Variants in KCNH7 observed in about 807,000 individuals in gnomAD.
KCNH7 encodes potassium voltage-gated channel subfamily H member 7, also known as voltage-gated inwardly rectifying potassium channel KCNH7.
Under a neutral mutation model 120.8 loss-of-function variants are expected in KCNH7, and 49 were observed. That is an observed-to-expected ratio of 0.41 (90% CI 0.32 to 0.51). KCNH7 has a LOEUF of 0.51. KCNH7 is among the 20% of genes least tolerant of loss of function. The pLI is 0.38. For missense variants in KCNH7, 1,097 were observed against 1,446.6 expected (o/e 0.76, Z 3.92); for synonymous variants, 547 against 516.1 (o/e 1.06, Z -0.81).
At chr2:162,455,928 C>T (rs540525621) in intron 6 of KCNH7, among the ~76,000 whole-genome samples, 1 of 152,038 alleles carries the variant, frequency 6.6e-6, no homozygotes, top group South Asian at 2.1e-4. Context: ...TTTCGTGTCT[C>T]GATCTCCTTC....
rs150602888 is a variant in KCNH7 at position 162,566,774 on chromosome 2, A to G, written c.308-29694T>C. ...GGTCAGGTAGAGATCAAGATTTGTA[A>G]ATAGCTAAATATCAGATTTTTGTAT... is the stretch of plus-strand genomic sequence containing the variant. On this transcript the variant is annotated intron_variant, in intron 2 of 15. Transcript: ENST00000332142. Among the ~76,000 whole-genome samples the G allele has an allele frequency of 6.8e-4, 103 of 152,122 alleles. 1 individual carries two copies. Among genetic ancestry groups the G allele is most frequent in the Non-Finnish European group, 1.2e-3 (82 of 67,968 alleles).
intron 2 of KCNH7, among the ~76,000 whole-genome samples, chr2:162,748,573 A>G (rs2105424716): frequency 6.6e-6 from 1 of 152,312 alleles, no homozygotes; most frequent in East Asian, 1.9e-4. Flanking sequence ...TAGTAGTCTT[A>G]TTGATTCAAC....
rs372330817 is a variant in KCNH7 at position 162,375,900 on chromosome 2, A to G, written c.3132-2238T>C. On this transcript the variant is annotated intron_variant, in intron 14 of 15. Coordinates refer to ENST00000332142, the MANE Select transcript of KCNH7 (RefSeq NM_033272.4). ...GGACAGAGCCAGACCCTATCTAAAA[A>G]AAAAAAAAAAAGAAAAAAAAGAGGA... Among the ~76,000 whole-genome samples the G allele has an allele frequency of 4.9e-3, 742 of 151,828 alleles. 17 individuals carry two copies. The highest frequency in any genetic ancestry group is 0.017 in the African/African-American group (691 of 41,408).
At chr2:162,404,389 T>C (rs891177896) in intron 9 of KCNH7, among the ~76,000 whole-genome samples, 3 of 151,948 alleles carry the variant, frequency 2.0e-5, no homozygotes, top group Non-Finnish European at 4.4e-5. Context: ...TATTATTTGC[T>C]AAAAGAATGC....
intron 11 of KCNH7, among the ~76,000 whole-genome samples, chr2:162,396,355 G>A (rs1453284546): frequency 6.6e-6 from 1 of 151,742 alleles, no homozygotes. Flanking sequence ...AATGTACAGT[G>A]TAAATAATAG....
chr2:162,717,288 T>G (rs1374383088), intron 2 of KCNH7, among the ~76,000 whole-genome samples: 1 of 152,140 alleles, frequency 6.6e-6, no homozygotes, highest in Non-Finnish European at 1.5e-5. Context: ...ACATTACTAC[T>G]GCTTTCCCCA....
chr2:162,508,808 C>G, intron 5 of KCNH7, among the ~76,000 whole-genome samples: 1 of 151,278 alleles, frequency 6.6e-6, no homozygotes, highest in East Asian at 2.0e-4. Flanking sequence ...TGATCATGAA[C>G]AGATGGGATT....
At chr2:162,785,520 C>T (rs537685534) in intron 2 of KCNH7, among the ~76,000 whole-genome samples, 62 of 150,878 alleles carry the variant, frequency 4.1e-4, no homozygotes, top group African/African-American at 1.3e-3. Flanking sequence ...TAATAATTTG[C>T]GACTATTGGG....
chr2:162,399,285 C>T (rs1687004380), intron 10 of KCNH7, among the ~76,000 whole-genome samples: 1 of 151,582 alleles, frequency 6.6e-6, no homozygotes, highest in Admixed American at 6.6e-5. Flanking sequence ...TCCCCAGTGT[C>T]CTAATATTCT....
At chr2:162,707,557 T>G (rs1325824056) in intron 2 of KCNH7, among the ~76,000 whole-genome samples, 1 of 152,158 alleles carries the variant, frequency 6.6e-6, no homozygotes, top group Non-Finnish European at 1.5e-5. Context: ...GCACATCTAT[T>G]GTATCAAAAG....
intron 14 of KCNH7, among the ~76,000 whole-genome samples, chr2:162,375,837 G>A (rs1686149724): frequency 3.3e-5 from 5 of 150,708 alleles, no homozygotes. Flanking sequence ...GCTTGAGCCT[G>A]GGAGATTGCA....
intron 2 of KCNH7, among the ~76,000 whole-genome samples, chr2:162,743,683 A>G (rs1048287380): frequency 6.6e-6 from 1 of 152,182 alleles, no homozygotes; most frequent in African/African-American, 2.4e-5. Flanking sequence ...TCAGTAGTCT[A>G]GAGCAAATTG....
intron 11 of KCNH7, 45 bp from the exon 12 acceptor site, chr2:162,394,530 AGAACACAAT>A: frequency 9.1e-7 from 1 of 1,099,036 alleles, no homozygotes. Context: ...TTACTGAATT[AGAACACAAT>A]GTACTATTCA....
Position 162,518,018 on chromosome 2 carries a change from A to C in KCNH7, c.604T>G (p.Ser202Ala). The part of the protein sequence containing the change: ...DDSVAMKHFK[S>A]PTKESCSPSE... ...GGGCTGCAGCTTTCTTTTGTAGGAG[A>C]CTTAAAATGCTTCATGGCTACTGAA... The change falls in exon 4 of 16, where the codon TCT becomes GCT. Residue 202 changes from serine to alanine, a missense_variant. By Grantham distance (99) the Ser-to-Ala change is moderately conservative (BLOSUM62 1). This residue lies in a region of KCNH7 where 362 missense variants were observed against 372.2 expected (regional missense o/e 0.97). Transcript: ENST00000332142. 1 of 1,612,388 alleles carries C rather than the reference A, an allele frequency of 6.2e-7. No individual in the cohort carries two copies. The highest frequency in any genetic ancestry group is 8.5e-7 in the Non-Finnish European group (1 of 1,178,904).
Position 162,637,651 on chromosome 2 carries a change from T to G in KCNH7, c.308-100571A>C, listed in dbSNP as rs563780457. Among the ~76,000 whole-genome samples, 6 of 152,164 alleles carry G rather than the reference T, an allele frequency of 3.9e-5. No homozygotes were observed. In the East Asian group the frequency reaches 1.2e-3, roughly 29 times the overall value. On this transcript the variant is annotated intron_variant, in intron 2 of 15. Coordinates refer to ENST00000332142, the MANE Select transcript of KCNH7 (RefSeq NM_033272.4). The stretch of plus-strand genomic sequence containing the variant: ...TAACACTTTTGATAATTAGCTTGAT[T>G]TAGTCATTCCATGATGTAGACGTAT...
chr2:162,375,035 T>C (rs1037575431), intron 14 of KCNH7, among the ~76,000 whole-genome samples: 1 of 152,196 alleles, frequency 6.6e-6, no homozygotes. Flanking sequence ...TATTTTTCTT[T>C]CATTTCACTC....
chr2:162,510,200 AAATGTTAGCTT>A (rs1223541151), intron 5 of KCNH7, among the ~76,000 whole-genome samples: 2 of 151,652 alleles, frequency 1.3e-5, no homozygotes, highest in Non-Finnish European at 3.0e-5. Flanking sequence ...AAGAACTTTG[AAATGTTAGCTT>A]AAGGAATCAT....
Position 162,371,591 on chromosome 2 carries a change from A to G in KCNH7, c.*238T>C. 2.3e-6 allele frequency: 2 copies of G among 872,000 alleles called. No homozygotes were observed. The highest frequency in any genetic ancestry group is 6.4e-5 in the East Asian group (2 of 31,366). 54.0% of individuals were successfully genotyped at this position (872,000 alleles called of 1,614,324 possible). A position where few individuals can be genotyped will look rare whatever the true frequency, so the allele number is the denominator to read the frequency against. On this transcript the variant is annotated 3_prime_UTR_variant, in exon 16 of 16. Transcript: ENST00000332142. ...TGTGATTTAAAAAATAAAAATAAAAAATAAGGTGCCGTGAGATGCTGGCAG... is the reference window on the plus strand; with the variant it reads ...TGTGATTTAAAAAATAAAAATAAAAGATAAGGTGCCGTGAGATGCTGGCAG...
At chr2:162,823,238 G>GAA (rs11400511) in intron 2 of KCNH7, among the ~76,000 whole-genome samples, 166 of 150,344 alleles carry the variant, frequency 1.1e-3, no homozygotes, top group African/African-American at 1.7e-3. Flanking sequence ...GCTAAAAATT[G>GAA]AAAAAAAAAG....
Sources: allele counts gnomAD v4.1 joint callset (sites outside exome capture counted in the v4.1 genomes callset), GRCh38; gene constraint gnomAD v4.1.1; regional missense constraint gnomAD v4.1.1; transcripts MANE v1.5; gene names NCBI Gene and HGNC (gene_info 2026-07-23, HGNC 2026-07-21).